RIMS3: variants seen among roughly 807,000 people sequenced by gnomAD.
The protein encoded by RIMS3 is regulating synaptic membrane exocytosis protein 3.
In RIMS3, 15 loss-of-function variants were observed where a neutral mutation model predicts 29.2. The ratio of observed to expected loss-of-function variants is 0.51; its 90% CI spans 0.34 to 0.79. The LOEUF is 0.79. Ranked by LOEUF, RIMS3 falls within the 30% of genes least tolerant of loss-of-function variation. The probability of loss-of-function intolerance (pLI) is 0.01; values close to 1 mark genes in which losing one functional copy is unlikely to be tolerated. For synonymous variants in RIMS3, 161 were observed against 170.1 expected (o/e 0.95, Z 0.41); for missense variants, 342 against 421.4 (o/e 0.81, Z 1.65).
intron 1 of RIMS3, among the ~76,000 whole-genome samples, chr1:40,656,887 C>T (rs1343579736): frequency 2.6e-5 from 4 of 152,008 alleles, no homozygotes; most frequent in Non-Finnish European, 4.4e-5. Context: ...TTTCTCACTA[C>T]GTGAGCTAAT....
the RIMS3 span, chr1:40,691,167 C>T: frequency 1.3e-5 from 2 of 152,346 alleles, no homozygotes; most frequent in African/African-American, 4.8e-5. Flanking sequence ...ACTATGTCGA[C>T]GTAAGGTTAC....
chr1:40,627,570 C>A (rs1646463047), intron 7 of RIMS3, among the ~76,000 whole-genome samples: 3 of 152,000 alleles, frequency 2.0e-5, no homozygotes, highest in Admixed American at 1.3e-4. Context: ...ATTCTTCCCA[C>A]TCCCCAAAGC....
At chr1:40,671,245 G>C in the RIMS3 span, among the ~76,000 whole-genome samples, 1 of 152,218 alleles carries the variant, frequency 6.6e-6, no homozygotes, top group Non-Finnish European at 1.5e-5. Context: ...CCTAGGCCTT[G>C]GGGGGGATGC....
In RIMS3 at chr1:40,629,037, G is replaced by C. The variant is rs1370640649; in HGVS notation, c.575-88C>G. The C allele has an allele frequency of 3.2e-6, 5 of 1,541,470 alleles. No homozygotes were observed. The Admixed American group carries it at 8.4e-5, about 26-fold the overall frequency. ...CCCCTAACTGCCAGGTGATCTTGGAGGTGAGCAGGATGTGTGGAATGAGCC... is the reference window on the plus strand; with the variant it reads ...CCCCTAACTGCCAGGTGATCTTGGACGTGAGCAGGATGTGTGGAATGAGCC... On this transcript the variant is annotated intron_variant, in intron 6 of 7. Transcript: ENST00000372684.
the RIMS3 span, among the ~76,000 whole-genome samples, chr1:40,687,329 C>T: frequency 3.9e-5 from 6 of 151,994 alleles, no homozygotes; most frequent in East Asian, 1.9e-4. Context: ...AGGCCAGGGG[C>T]GGTGGCTCAC....
At chr1:40,641,573 C>T in intron 3 of RIMS3, 136 bp downstream of exon 3, 1 of 793,204 alleles carries the variant, frequency 1.3e-6, no homozygotes, top group Admixed American at 2.6e-5. Flanking sequence ...CCTAGAACAG[C>T]ACCTGGTGTA....
intron 3 of RIMS3, among the ~76,000 whole-genome samples, chr1:40,640,132 G>T (rs1390009151): frequency 6.6e-6 from 1 of 152,054 alleles, no homozygotes; most frequent in Non-Finnish European, 1.5e-5. Flanking sequence ...GGATTTCTGG[G>T]CTTGGTCCCC....
the RIMS3 span, among the ~76,000 whole-genome samples, chr1:40,683,305 G>A: frequency 1.1e-4 from 17 of 152,306 alleles, no homozygotes; most frequent in Non-Finnish European, 2.4e-4. Flanking sequence ...TTTTAACAAC[G>A]TTGAGAAGTG....
the RIMS3 span, among the ~76,000 whole-genome samples, chr1:40,687,755 T>C: frequency 6.6e-6 from 1 of 152,292 alleles, no homozygotes; most frequent in South Asian, 2.1e-4. Flanking sequence ...CATTCCCTCT[T>C]ACTCTGTGTT....
chr1:40,678,563 C>T, the RIMS3 span, among the ~76,000 whole-genome samples: 17 of 152,364 alleles, frequency 1.1e-4, 1 homozygote, highest in Non-Finnish European at 1.5e-5. Context: ...ATTCCAGAGC[C>T]CATCCCTCTC....
At chr1:40,671,766 T>C in the RIMS3 span, among the ~76,000 whole-genome samples, 1 of 150,134 alleles carries the variant, frequency 6.7e-6, no homozygotes, top group East Asian at 1.9e-4. Context: ...TCTTTTTTTT[T>C]TTTTTTTTTT....
intron 1 of RIMS3, among the ~76,000 whole-genome samples, chr1:40,653,353 G>A (rs550640050): frequency 1.3e-5 from 2 of 152,140 alleles, no homozygotes; most frequent in African/African-American, 4.8e-5. Flanking sequence ...TGAAGAGTAG[G>A]AGAGGAACTC....
chr1:40,671,757 C>CTTTTTTT, the RIMS3 span, among the ~76,000 whole-genome samples: 2 of 130,294 alleles, frequency 1.5e-5, no homozygotes, highest in Non-Finnish European at 3.3e-5. Context: ...CCTTTCTTTT[C>CTTTTTTT]TTTTTTTTTT....
intron 5 of RIMS3, among the ~76,000 whole-genome samples, chr1:40,631,155 G>A (rs966212538): frequency 9.9e-5 from 15 of 152,212 alleles, no homozygotes; most frequent in African/African-American, 3.6e-4. Context: ...GATGGGAAAG[G>A]AGTGGAGGCG....
chr1:40,622,065 G>C lies in RIMS3; in HGVS notation c.*4452C>G, dbSNP rs948866520. The C allele has an allele frequency of 1.3e-5, 2 of 152,776 alleles. No individual in the cohort carries two copies. Among genetic ancestry groups the C allele is most frequent in the Non-Finnish European group, 1.5e-5 (1 of 68,156 alleles). The allele number at this position is 152,776 out of a possible 1,614,324, so 9.5% of individuals were successfully genotyped here. A position where few individuals can be genotyped will look rare whatever the true frequency, so the allele number is the denominator to read the frequency against. ...ACACAAGCCCAAGCTCAGGGTTCGG[G>C]GGGAGGGGAGGGAGGGAAAGTTGCT... On this transcript the variant is annotated 3_prime_UTR_variant, in exon 8 of 8. Coordinates refer to ENST00000372684, the MANE Select transcript of RIMS3 (RefSeq NM_014747.3).
At chr1:40,692,007 C>T in the RIMS3 span, 1 of 264,014 alleles carries the variant, frequency 3.8e-6, no homozygotes, top group Non-Finnish European at 7.7e-6. Flanking sequence ...TGCCCGCCGC[C>T]ATGTTGTGCT....
Position 40,622,270 on chromosome 1 carries a change from C to T in RIMS3, c.*4247G>A, listed in dbSNP as rs1264217560. 1 of 152,702 alleles carries T rather than the reference C, an allele frequency of 6.5e-6. No individual in the cohort carries two copies. Among genetic ancestry groups the T allele is most frequent in the African/African-American group, 2.4e-5 (1 of 41,438 alleles). The allele number at this position is 152,702 out of a possible 1,614,324, so 9.5% of individuals were successfully genotyped here. ...TGCTCAGGCACGCTTTTAAAAGAAT[C>T]CTTTCCCAGCCAGACCAGGCCAGTC... On this transcript the variant is annotated 3_prime_UTR_variant, in exon 8 of 8. Transcript: ENST00000372684.
At position 40,628,884 on chromosome 1, in the gene RIMS3, T is replaced by A. The variant is rs989026994; in HGVS notation, c.640A>T (p.Thr214Ser). The A allele has an allele frequency of 6.2e-7, 1 of 1,613,874 alleles. No homozygotes were observed. The highest frequency in any genetic ancestry group is 1.3e-5 in the African/African-American group (1 of 74,892). Residue 214 changes from threonine (T) to serine (S), a missense_variant, in exon 7 of 8, where the codon ACC becomes TCC. Physicochemically the swap from Thr to Ser is moderately conservative, Grantham distance 58 (BLOSUM62 1). Coordinates refer to ENST00000372684, the MANE Select transcript of RIMS3 (RefSeq NM_014747.3). Reference sequence around the variant, plus strand: ...TACAGGGGATCACAGGTCTTCTTGGTCATCTTTGTCTTCTTCTTGGCCAAG... The same window carrying A: ...TACAGGGGATCACAGGTCTTCTTGGACATCTTTGTCTTCTTCTTGGCCAAG... Reference protein sequence around the residue: ...ACLAKKKTKMTKKTCDPLYQQ... With the variant: ...ACLAKKKTKMSKKTCDPLYQQ...
the RIMS3 span, among the ~76,000 whole-genome samples, chr1:40,676,214 G>A: frequency 1.3e-5 from 2 of 152,174 alleles, no homozygotes; most frequent in Admixed American, 6.5e-5. Flanking sequence ...TGACTCTACT[G>A]TGTTATCTTG....
Sources: allele counts gnomAD v4.1 joint callset (sites outside exome capture counted in the v4.1 genomes callset), GRCh38; gene constraint gnomAD v4.1.1; transcripts MANE v1.5; gene names NCBI Gene and HGNC (gene_info 2026-07-23, HGNC 2026-07-21).